OSBPL6: variants seen among roughly 807,000 people sequenced by gnomAD.
OSBPL6 encodes oxysterol-binding protein-related protein 6.
A neutral mutation model predicts 125.8 loss-of-function variants in OSBPL6; 49 were observed. That is an observed-to-expected ratio of 0.39 (90% CI 0.31 to 0.49). The LOEUF (loss-of-function observed/expected upper bound fraction) is 0.49. OSBPL6 is among the 20% of genes least tolerant of loss of function. OSBPL6 has a pLI of 0.88. For synonymous variants in OSBPL6, 394 were observed against 391.8 expected (o/e 1.01, Z -0.07); for missense variants, 986 against 1,135.4 (o/e 0.87, Z 1.89).
intron 19 of OSBPL6, 122 bp from the exon 20 acceptor site, chr2:178,386,939 G>C (rs1694992760): frequency 1.9e-6 from 1 of 532,226 alleles, no homozygotes; most frequent in Non-Finnish European, 3.2e-6. Flanking sequence ...TACTAAATCA[G>C]CAATATAGAA....
rs1197869343 is a variant in OSBPL6, at chr2:178,372,118, A to AT, written c.1288-4dup. 1.2e-5 allele frequency: 19 copies of AT among 1,604,470 alleles called. No individual in the cohort carries two copies. The highest frequency in any genetic ancestry group is 4.0e-5 in the African/African-American group (3 of 74,618). On this transcript the variant is annotated splice_region_variant and splice_polypyrimidine_tract_variant and intron_variant, in intron 13 of 24. Transcript: ENST00000190611. ...TTAAATTACATATGTGGTTTTTGTT[A>AT]TTTTAAGGCACTCAACCAGAATGCT...
Position 178,392,570 on chromosome 2 carries a change from C to G in OSBPL6, c.2573+32C>G, listed in dbSNP as rs778144584. ...ATGGCAGTGGTATTTAATATGCAGACTATGGCTGGGTGCAGTAGCTCATGC... is the reference window on the plus strand; with the variant it reads ...ATGGCAGTGGTATTTAATATGCAGAGTATGGCTGGGTGCAGTAGCTCATGC... On this transcript the variant is annotated intron_variant, in intron 23 of 24. Coordinates refer to ENST00000190611, the MANE Select transcript of OSBPL6 (RefSeq NM_032523.4). The G allele has an allele frequency of 3.7e-6, 6 of 1,610,102 alleles. No homozygotes were observed. In the South Asian group the frequency reaches 6.6e-5, roughly 18 times the overall value.
At position 178,398,620 on chromosome 2, in the gene OSBPL6, A is replaced by AAAT. The variant is rs1260134264; in HGVS notation, c.*3064_*3066dup. On this transcript the variant is annotated 3_prime_UTR_variant, in exon 25 of 25. Coordinates refer to ENST00000190611, the MANE Select transcript of OSBPL6 (RefSeq NM_032523.4). ...CCCCATAATTTTCAGGCAATTGTAA[A>AAAT]AATAAACCTTATTTAAGATAACTTT... 16 of 152,216 alleles carry AAAT rather than the reference A, an allele frequency of 1.1e-4. No homozygotes were observed. Among genetic ancestry groups the AAAT allele is most frequent in the Admixed American group, 9.8e-4 (15 of 15,288 alleles). The allele number at this position is 152,216 out of a possible 1,614,324, so 9.4% of individuals were successfully genotyped here.
chr2:178,269,095 T>C (rs2092315506), intron 1 of OSBPL6, among the ~76,000 whole-genome samples: 1 of 152,252 alleles, frequency 6.6e-6, no homozygotes, highest in Admixed American at 6.5e-5. Flanking sequence ...GGTATAGCTC[T>C]CTGCTCATTT....
At chr2:178,206,733 G>A (rs10205957) in intron 1 of OSBPL6, among the ~76,000 whole-genome samples, 2,466 of 152,188 alleles carry the variant, frequency 0.016, 74 homozygotes, top group African/African-American at 0.056. Flanking sequence ...TCCTGTCTCA[G>A]CCTGCCAAGT....
intron 5 of OSBPL6, among the ~76,000 whole-genome samples, chr2:178,329,380 A>G (rs561522374): frequency 1.6e-4 from 24 of 151,530 alleles, no homozygotes; most frequent in African/African-American, 4.8e-4. Context: ...GTTGCCGTAC[A>G]TTTTCAGTTT....
intron 1 of OSBPL6, among the ~76,000 whole-genome samples, chr2:178,278,451 TAATC>T (rs1210927015): frequency 1.3e-5 from 2 of 152,224 alleles, no homozygotes; most frequent in Non-Finnish European, 2.9e-5. Flanking sequence ...TGTTGTGGAT[TAATC>T]AATCAATACT....
intron 1 of OSBPL6, among the ~76,000 whole-genome samples, chr2:178,195,772 A>C (rs2088848922): frequency 6.6e-6 from 1 of 151,894 alleles, no homozygotes; most frequent in Non-Finnish European, 1.5e-5. Context: ...TTGCTGGGCT[A>C]AGTTTAGCCA....
At chr2:178,385,558 G>A (rs767365280) in intron 19 of OSBPL6, 37 bp downstream of exon 19, 1 of 1,476,012 alleles carries the variant, frequency 6.8e-7, no homozygotes, top group South Asian at 1.2e-5. Context: ...TCAAATGTAT[G>A]AGCCTATGAA....
At position 178,332,660 on chromosome 2, in the gene OSBPL6, A is replaced by G. The variant is rs752192933; in HGVS notation, c.392A>G (p.His131Arg). 3 of 1,613,812 alleles carry G rather than the reference A, an allele frequency of 1.9e-6. No homozygotes were observed. Among genetic ancestry groups the G allele is most frequent in the Non-Finnish European group, 1.7e-6 (2 of 1,179,790 alleles). Reference protein sequence around the residue: ...APLDIQKGKVHGSIDVGLSVM... With the variant: ...APLDIQKGKVRGSIDVGLSVM... ...TTTCAGATTCAGAAAGGAAAGGTCC[A>G]TGGGAGCATAGATGTGGGACTCTCA... is the stretch of plus-strand genomic sequence containing the variant. The change falls in exon 7 of 25, where the codon CAT (histidine) becomes CGT (arginine). Residue 131 changes from histidine (H) to arginine (R), a missense_variant. Physicochemically the swap from His to Arg is conservative, Grantham distance 29. Coordinates refer to ENST00000190611, the MANE Select transcript of OSBPL6 (RefSeq NM_032523.4).
intron 1 of OSBPL6, among the ~76,000 whole-genome samples, chr2:178,218,954 G>A (rs1002870568): frequency 2.0e-5 from 3 of 151,768 alleles, no homozygotes; most frequent in African/African-American, 7.3e-5. Context: ...TATTAGACCT[G>A]AATTTTTACC....
intron 16 of OSBPL6, 38 bp from the exon 17 acceptor site, chr2:178,382,986 C>T: frequency 6.2e-7 from 1 of 1,606,238 alleles, no homozygotes. Flanking sequence ...GAAATCAGAA[C>T]AGCAAAGTGT....
chr2:178,241,245 C>A (rs1288731127), intron 1 of OSBPL6, among the ~76,000 whole-genome samples: 1 of 151,592 alleles, frequency 6.6e-6, no homozygotes, highest in South Asian at 2.1e-4. Context: ...TCCCGAGTAG[C>A]TGGGACTACA....
At chr2:178,249,703 A>T (rs1394451167) in intron 1 of OSBPL6, among the ~76,000 whole-genome samples, 1 of 152,088 alleles carries the variant, frequency 6.6e-6, no homozygotes, top group Non-Finnish European at 1.5e-5. Context: ...TCATTTCTGC[A>T]TCAATCCCTC....
chr2:178,271,892 C>G (rs1443191788), intron 1 of OSBPL6, among the ~76,000 whole-genome samples: 1 of 152,186 alleles, frequency 6.6e-6, no homozygotes, highest in African/African-American at 2.4e-5. Context: ...GAGGACCCAA[C>G]AGAAAATTTC....
chr2:178,380,171 AG>A lies in OSBPL6; in HGVS notation c.1534-2247del, dbSNP rs1163757235. Among the ~76,000 whole-genome samples, 7 of 152,178 alleles carry A rather than the reference AG, an allele frequency of 4.6e-5. No homozygotes were observed. The East Asian group carries it at 1.3e-3, about 29-fold the overall frequency. ...TAAACTTTAAAGCAATCTTTTGGCCAGGTGCAATGGCTCATACCTGTAATAC... is the reference window on the plus strand; with the variant it reads ...TAAACTTTAAAGCAATCTTTTGGCCAGTGCAATGGCTCATACCTGTAATAC... On this transcript the variant is annotated intron_variant, in intron 15 of 24. Transcript: ENST00000190611.
chr2:178,273,302 T>G (rs1392745280), intron 1 of OSBPL6, among the ~76,000 whole-genome samples: 1 of 152,156 alleles, frequency 6.6e-6, no homozygotes, highest in Non-Finnish European at 1.5e-5. Flanking sequence ...CTTAAGTATT[T>G]TAATATGGCC....
chr2:178,261,004 C>T (rs1041820252), intron 1 of OSBPL6, among the ~76,000 whole-genome samples: 13 of 152,016 alleles, frequency 8.6e-5, no homozygotes, highest in East Asian at 7.7e-4. Flanking sequence ...TGATGGCAGG[C>T]GCCTGTAATC....
intron 19 of OSBPL6, among the ~76,000 whole-genome samples, chr2:178,386,552 A>G (rs1043434125): frequency 1.3e-5 from 2 of 152,218 alleles, no homozygotes; most frequent in African/African-American, 2.4e-5. Context: ...ATGTATATAT[A>G]AATTAATTGT....
Sources: gnomAD v4.1 joint callset for allele counts (sites outside exome capture counted in the v4.1 genomes callset) on GRCh38, gnomAD v4.1.1 for gene constraint, MANE v1.5 for transcripts, NCBI Gene and HGNC (gene_info 2026-07-23, HGNC 2026-07-21) for gene names.